The following CIB1 variants were observed in gnomAD, a reference collection of about 807,000 sequenced individuals.
The protein encoded by CIB1 is calcium and integrin binding 1, also known as calcium and integrin-binding protein 1.
CIB1 carries 19 observed loss-of-function variants against 25.0 expected under a neutral mutation model. The ratio of observed to expected loss-of-function variants is 0.76; its 90% CI spans 0.53 to 1.12. The LOEUF is 1.12. Ranked by LOEUF, CIB1 falls within the 50% of genes most tolerant of loss-of-function variation. The pLI, the probability that CIB1 is intolerant of heterozygous loss-of-function variation, is 0.00. For missense variants in CIB1, 236 were observed against 242.6 expected (o/e 0.97, Z 0.18); for synonymous variants, 104 against 98.5 (o/e 1.06, Z -0.33).
the CIB1 span, among the ~76,000 whole-genome samples, chr15:90,260,418 G>T: frequency 2.0e-5 from 3 of 152,158 alleles, no homozygotes; most frequent in African/African-American, 4.8e-5. Context: ...GATGGCTTCA[G>T]CCTGGGAGGC....
the CIB1 span, chr15:90,265,733 C>T: frequency 1.2e-6 from 2 of 1,613,396 alleles, no homozygotes; most frequent in East Asian, 2.2e-5. Context: ...CCCTGAGTCT[C>T]TTGCTGGGCG....
chr15:90,235,473 C>T (rs1962614060), upstream of CIB1, among the ~76,000 whole-genome samples: 1 of 152,026 alleles, frequency 6.6e-6, no homozygotes, highest in Non-Finnish European at 1.5e-5. Context: ...GAGATTGTGC[C>T]ACTGCAGTCC....
At chr15:90,231,653 G>A (rs187267727) in intron 3 of CIB1, 146 bp from the exon 4 acceptor site, 5 of 882,576 alleles carry the variant, frequency 5.7e-6, no homozygotes, top group Non-Finnish European at 8.5e-6. Context: ...CCAACATGGA[G>A]GGCAGTGGGG....
chr15:90,231,531 C>G (rs575974877), intron 3 of CIB1, 24 bp from the exon 4 acceptor site: 1 of 1,610,856 alleles, frequency 6.2e-7, no homozygotes, highest in Non-Finnish European at 8.5e-7. Context: ...CGCCACAGGA[C>G]GTGGCCCAGG....
At chr15:90,241,274 A>G in the CIB1 span, 7 of 1,614,012 alleles carry the variant, frequency 4.3e-6, no homozygotes, top group African/African-American at 9.3e-5. Context: ...TTGACCCTGT[A>G]CAGTTCAACT....
chr15:90,262,780 A>C, the CIB1 span: 4 of 1,231,226 alleles, frequency 3.2e-6, no homozygotes, highest in African/African-American at 6.1e-5. Context: ...GAGAGAGAGG[A>C]GTTCCTAATC....
Position 90,230,360 on chromosome 15 carries a change from GCA to G in CIB1, c.*122_*123del. The G allele has an allele frequency of 8.5e-7, 1 of 1,171,978 alleles. No homozygotes were observed. The highest frequency in any genetic ancestry group is 1.2e-6 in the Non-Finnish European group (1 of 810,830). 72.6% of individuals were successfully genotyped at this position (1,171,978 alleles called of 1,614,324 possible). ...GGCCGCCCCTGCCCGGGGTGAGGCT[GCA>G]CAGCGCCAGCTCCAGGCTGGGCCAG... On this transcript the variant is annotated 3_prime_UTR_variant, in exon 7 of 7. Coordinates refer to ENST00000328649, the MANE Select transcript of CIB1 (RefSeq NM_006384.4).
chr15:90,235,684 T>C (rs1463039537), upstream of CIB1, among the ~76,000 whole-genome samples: 2 of 150,910 alleles, frequency 1.3e-5, no homozygotes, highest in African/African-American at 2.4e-5. Flanking sequence ...TCTTCTACCT[T>C]AGCCTCCCCA....
At chr15:90,263,057 C>G in the CIB1 span, 1 of 1,536,156 alleles carries the variant, frequency 6.5e-7, no homozygotes, top group South Asian at 1.2e-5. Context: ...CAAAGGGAGA[C>G]TCTCATCCGA....
the CIB1 span, among the ~76,000 whole-genome samples, chr15:90,259,896 T>C: frequency 6.6e-6 from 1 of 152,246 alleles, no homozygotes; most frequent in Non-Finnish European, 1.5e-5. Flanking sequence ...TACATACAAA[T>C]GAATTTCAGT....
chr15:90,256,551 TTCTTTC>T, the CIB1 span, among the ~76,000 whole-genome samples: 88 of 25,214 alleles, frequency 3.5e-3, 1 homozygote, highest in African/African-American at 0.013. Context: ...TCCTTTTTCT[TTCTTTC>T]TTTCTTTCTT....
the CIB1 span, chr15:90,258,159 A>T: frequency 6.2e-7 from 1 of 1,613,768 alleles, no homozygotes; most frequent in Non-Finnish European, 8.5e-7. Context: ...TCTACGCCAC[A>T]ACTACCGAAC....
At chr15:90,248,687 C>A in the CIB1 span, among the ~76,000 whole-genome samples, 7 of 128,478 alleles carry the variant, frequency 5.4e-5, no homozygotes, top group African/African-American at 1.2e-4. Flanking sequence ...CCACTGCAAT[C>A]CAGCCTGGGC....
At chr15:90,258,074 C>T in the CIB1 span, 1 of 1,614,102 alleles carries the variant, frequency 6.2e-7, no homozygotes, top group Non-Finnish European at 8.5e-7. Flanking sequence ...TGCAAGAGCA[C>T]AGCTACAACC....
At chr15:90,250,775 A>G in the CIB1 span, 2 of 1,614,186 alleles carry the variant, frequency 1.2e-6, no homozygotes, top group Non-Finnish European at 1.7e-6. Flanking sequence ...TAAGGCATTA[A>G]AAAATGGGGT....
At chr15:90,263,307 T>G in the CIB1 span, 3 of 618,738 alleles carry the variant, frequency 4.8e-6, no homozygotes, top group South Asian at 2.3e-5. Context: ...GTCTGTTGAT[T>G]CCTTTTGCGT....
the CIB1 span, among the ~76,000 whole-genome samples, chr15:90,251,824 G>A: frequency 6.4e-3 from 836 of 130,024 alleles, no homozygotes; most frequent in Middle Eastern, 8.1e-3. Flanking sequence ...CAGTAAACAA[G>A]AAAAAAAAAA....
chr15:90,243,943 G>GTTT, the CIB1 span: 5 of 138,000 alleles, frequency 3.6e-5, no homozygotes, highest in African/African-American at 5.3e-5. Flanking sequence ...CCTGGCCTGA[G>GTTT]TTTTTTTTTT....
the CIB1 span, chr15:90,257,989 G>A: frequency 6.4e-7 from 1 of 1,566,218 alleles, no homozygotes; most frequent in Admixed American, 1.7e-5. Context: ...CCTACAGCCT[G>A]GCCCAGTGGC....
Sources: gnomAD v4.1 joint callset for allele counts (sites outside exome capture counted in the v4.1 genomes callset) on GRCh38, gnomAD v4.1.1 for gene constraint, MANE v1.5 for transcripts, NCBI Gene and HGNC (gene_info 2026-07-23, HGNC 2026-07-21) for gene names.